Variants in DCLK2 observed in about 807,000 individuals in gnomAD.
DCLK2 encodes the protein serine/threonine-protein kinase DCLK2.
DCLK2 carries 31 observed loss-of-function variants against 78.4 expected under a neutral mutation model. The observed-to-expected ratio is 0.40, with a 90% CI of 0.30 to 0.53. DCLK2 has a LOEUF of 0.53. Ranked by LOEUF, DCLK2 falls within the 20% of genes least tolerant of loss-of-function variation. The pLI is 0.61. For missense variants in DCLK2, 872 were observed against 973.7 expected, an observed-to-expected ratio of 0.90 and a Z score of 1.39; for synonymous variants, 407 against 374.9, an observed-to-expected ratio of 1.09 and a Z score of -0.99.
intron 1 of DCLK2, among the ~76,000 whole-genome samples, chr4:150,080,242 T>G (rs527291081): frequency 2.0e-4 from 30 of 152,244 alleles, no homozygotes; most frequent in African/African-American, 7.2e-4. Flanking sequence ...TAAGAGTACC[T>G]AATTAGAATG....
chr4:150,232,269 C>G, intron 8 of DCLK2, 68 bp from the exon 9 acceptor site: 1 of 1,567,688 alleles, frequency 6.4e-7, no homozygotes, highest in Non-Finnish European at 8.6e-7. Flanking sequence ...GTTTTGCTGT[C>G]CTCCAGGCCT....
chr4:150,242,796 C>T (rs777748936), intron 12 of DCLK2, among the ~76,000 whole-genome samples: 8 of 152,238 alleles, frequency 5.3e-5, no homozygotes, highest in South Asian at 2.1e-4. Flanking sequence ...ACAGCTAACC[C>T]AAGAGTAAAT....
chr4:150,138,374 C>T lies in DCLK2; in HGVS notation c.756+35562C>T, dbSNP rs143778974. ...CCGTAATCCCAGCACTTTGGGAGGC[C>T]GAGGCGGGGGGATCACCTGAGGCCA... On this transcript the variant is annotated intron_variant, in intron 2 of 15. Transcript: ENST00000296550. Among the ~76,000 whole-genome samples, 735 of 152,064 alleles carry T rather than the reference C, an allele frequency of 4.8e-3. 5 individuals are homozygous for T. Among genetic ancestry groups the T allele is most frequent in the African/African-American group, 0.016 (666 of 41,484 alleles).
At position 150,241,728 on chromosome 4, in the gene DCLK2, G is replaced by A. The variant is rs142146598; in HGVS notation, c.1778+1252G>A. Among the ~76,000 whole-genome samples, 640 of 152,306 alleles carry A rather than the reference G, an allele frequency of 4.2e-3. 3 individuals are homozygous for A. Among genetic ancestry groups the A allele is most frequent in the African/African-American group, 0.014 (578 of 41,570 alleles). ...AGAATTCCAAGATCAAGGTACTGCAGATTTGGTGACTGTTGAGGGCTCACT... is the reference window on the plus strand; with the variant it reads ...AGAATTCCAAGATCAAGGTACTGCAAATTTGGTGACTGTTGAGGGCTCACT... On this transcript the variant is annotated intron_variant, in intron 12 of 15. Transcript: ENST00000296550.
Position 150,134,382 on chromosome 4 carries a change from A to G in DCLK2, c.756+31570A>G, listed in dbSNP as rs576768827. 3.3e-5 allele frequency among the ~76,000 whole-genome samples: 5 copies of G among 152,202 alleles called. No individual in the cohort carries two copies. The South Asian group carries it at 8.3e-4, about 25-fold the overall frequency. On this transcript the variant is annotated intron_variant, in intron 2 of 15. Transcript: ENST00000296550. Reference sequence around the variant, plus strand: ...TAGGCATGAGCCACCATGCCTGGCCATTTTTGTGTATAAACTCTTAAAATG... The same window carrying G: ...TAGGCATGAGCCACCATGCCTGGCCGTTTTTGTGTATAAACTCTTAAAATG...
chr4:150,241,140 C>T (rs900472940), intron 12 of DCLK2, among the ~76,000 whole-genome samples: 2 of 152,304 alleles, frequency 1.3e-5, no homozygotes, highest in South Asian at 2.1e-4. Context: ...AACAGGATCT[C>T]TTTCTTCTTA....
intron 1 of DCLK2, among the ~76,000 whole-genome samples, chr4:150,083,929 C>A (rs887274724): frequency 3.9e-5 from 6 of 152,042 alleles, no homozygotes; most frequent in Admixed American, 1.3e-4. Flanking sequence ...ATGGTCTCTT[C>A]CTTCAAAAAA....
intron 8 of DCLK2, among the ~76,000 whole-genome samples, chr4:150,226,522 G>T (rs954408641): frequency 2.1e-5 from 3 of 145,148 alleles, no homozygotes; most frequent in Admixed American, 2.0e-4. Context: ...TTTCAAAACA[G>T]TAAAAAAAAA....
intron 2 of DCLK2, among the ~76,000 whole-genome samples, chr4:150,152,318 G>A (rs1225707672): frequency 6.6e-6 from 1 of 152,196 alleles, no homozygotes; most frequent in African/African-American, 2.4e-5. Flanking sequence ...GGATCTCACT[G>A]TTGCCCAAGC....
intron 2 of DCLK2, among the ~76,000 whole-genome samples, chr4:150,181,901 A>G (rs1737557077): frequency 6.6e-6 from 1 of 152,190 alleles, no homozygotes; most frequent in African/African-American, 2.4e-5. Context: ...CTCTGGGCCA[A>G]GGGTAAAGAA....
At chr4:150,161,023 AAATT>A (rs777866181) in intron 2 of DCLK2, among the ~76,000 whole-genome samples, 4 of 152,250 alleles carry the variant, frequency 2.6e-5, no homozygotes, top group Non-Finnish European at 5.9e-5. Context: ...TCAAAGAGGT[AAATT>A]CATTTGTGTC....
chr4:150,148,359 T>C (rs1295372561), intron 2 of DCLK2, among the ~76,000 whole-genome samples: 1 of 146,754 alleles, frequency 6.8e-6, no homozygotes, highest in African/African-American at 2.5e-5. Context: ...AGCAAGACCC[T>C]GTCTCAAAAG....
intron 7 of DCLK2, among the ~76,000 whole-genome samples, chr4:150,223,260 A>G (rs1389661707): frequency 6.6e-6 from 1 of 152,198 alleles, no homozygotes; most frequent in Non-Finnish European, 1.5e-5. Flanking sequence ...TATAGGGAGA[A>G]CAATTTAAGG....
intron 1 of DCLK2, among the ~76,000 whole-genome samples, chr4:150,087,031 A>C (rs961024277): frequency 6.6e-6 from 1 of 152,204 alleles, no homozygotes; most frequent in Non-Finnish European, 1.5e-5. Context: ...AAATAAAATC[A>C]AGAGCTTAAA....
chr4:150,138,434 C>A (rs980169185), intron 2 of DCLK2, among the ~76,000 whole-genome samples: 3 of 152,174 alleles, frequency 2.0e-5, no homozygotes, highest in Non-Finnish European at 2.9e-5. Context: ...CATGGTGAAA[C>A]CCCGTCTCTA....
At chr4:150,181,316 T>C (rs1016726458) in intron 2 of DCLK2, among the ~76,000 whole-genome samples, 25 of 151,956 alleles carry the variant, frequency 1.6e-4, no homozygotes, top group African/African-American at 5.8e-4. Context: ...AGCTCCAGAG[T>C]GGGTTTGAAA....
Position 150,079,336 on chromosome 4 carries a change from C to T in DCLK2, c.309C>T (p.Leu103=). Residue 103 remains leucine, a synonymous_variant, in exon 1 of 16, where the codon CTC becomes CTT. Transcript: ENST00000296550. ...GCTTCCGGTCCTTCGATGCGCTCCT[C>T]ATAGAGCTCACCCGCTCCCTGTCGG... ...SDRFRSFDAL[L]IELTRSLSDN... The T allele has an allele frequency of 6.3e-7, 1 of 1,588,448 alleles. No individual in the cohort carries two copies. The highest frequency in any genetic ancestry group is 8.6e-7 in the Non-Finnish European group (1 of 1,167,480).
intron 8 of DCLK2, among the ~76,000 whole-genome samples, chr4:150,229,072 G>T (rs918472140): frequency 5.3e-5 from 8 of 152,132 alleles, no homozygotes; most frequent in Non-Finnish European, 1.0e-4. Context: ...TGGAATGGTG[G>T]CTCATGCCTG....
Position 150,078,853 on chromosome 4 carries a change from C to G in DCLK2, c.-175C>G. Reference sequence around the variant, plus strand: ...CTGCGGACACTTTTAGCTGAGGGCGCGGGCGGGTCGGCTCCTCCGCGGCTC... The same window carrying G: ...CTGCGGACACTTTTAGCTGAGGGCGGGGGCGGGTCGGCTCCTCCGCGGCTC... On this transcript the variant is annotated 5_prime_UTR_variant, in exon 1 of 16. Transcript: ENST00000296550. The G allele has an allele frequency of 1.3e-6, 1 of 755,006 alleles. No homozygotes were observed. Among genetic ancestry groups the G allele is most frequent in the East Asian group, 3.2e-5 (1 of 31,048 alleles). The allele number at this position is 755,006 out of a possible 1,614,324, so 46.8% of individuals were successfully genotyped here.
Sources: allele counts gnomAD v4.1 joint callset (sites outside exome capture counted in the v4.1 genomes callset), GRCh38; gene constraint gnomAD v4.1.1; transcripts MANE v1.5; gene names NCBI Gene and HGNC (gene_info 2026-07-23, HGNC 2026-07-21).